The following MYO3A variants were observed in gnomAD, a reference collection of about 807,000 sequenced individuals.
The protein encoded by MYO3A is myosin-IIIa.
A neutral mutation model predicts 192.7 loss-of-function variants in MYO3A; 180 were observed. The observed-to-expected ratio is 0.93, with a 90% CI of 0.83 to 1.06. The LOEUF is 1.06. Among genes scored for constraint, MYO3A ranks in the 50% least tolerant of loss-of-function variants. The pLI is 0.00. For synonymous variants in MYO3A, 628 were observed against 645.3 expected, an observed-to-expected ratio of 0.97 and a Z score of 0.41; for missense variants, 1,896 against 1,905.0, an observed-to-expected ratio of 1.00 and a Z score of 0.09.
rs759428208 is a variant in MYO3A, at chr10:26,157,466, C to T, written c.2950C>T (p.Arg984Ter). The change falls in exon 26 of 35, where the codon CGA becomes TGA. Residue 984 changes from arginine to a stop codon, truncating the protein, a stop_gained. Coordinates refer to ENST00000642920, the MANE Select transcript of MYO3A (RefSeq NM_017433.5). LOFTEE classifies it high-confidence loss of function. ...YTGILETARIRRLGFSHRILF... is the reference protein window; with the variant it reads ...YTGILETARI The stretch of plus-strand genomic sequence containing the variant: ...AGGAATTCTGGAAACAGCAAGAATT[C>T]GAAGACTAGGATTCTCCCATCGGAT... The T allele has an allele frequency of 1.2e-5, 20 of 1,613,914 alleles. No homozygotes were observed. The highest frequency in any genetic ancestry group is 1.5e-5 in the Non-Finnish European group (18 of 1,179,990).
At chr10:26,192,717 G>A (rs920079728) in intron 31 of MYO3A, among the ~76,000 whole-genome samples, 11 of 138,770 alleles carry the variant, frequency 7.9e-5, no homozygotes, top group African/African-American at 1.4e-4. Context: ...GCAATGGCAC[G>A]GTCTTTACTC....
intron 6 of MYO3A, among the ~76,000 whole-genome samples, chr10:26,005,820 A>T (rs1290743105): frequency 6.6e-6 from 1 of 152,170 alleles, no homozygotes; most frequent in Non-Finnish European, 1.5e-5. Flanking sequence ...AAAAGCTGGC[A>T]GAGTTTTCAA....
Position 25,935,363 on chromosome 10 carries a change from A to T in MYO3A, c.-104-381A>T, listed in dbSNP as rs549944739. 5.3e-5 allele frequency among the ~76,000 whole-genome samples: 8 copies of T among 152,326 alleles called. No individual in the cohort carries two copies. In the South Asian group the frequency reaches 1.5e-3, roughly 28 times the overall value. The stretch of plus-strand genomic sequence containing the variant: ...ATTATTGTTAGAATGGAAATTGGCC[A>T]TAAGCCTTGAAATGACTGTTGTAAT... On this transcript the variant is annotated intron_variant, in intron 1 of 34. Transcript: ENST00000642920.
intron 32 of MYO3A, among the ~76,000 whole-genome samples, chr10:26,200,327 A>G (rs554378680): frequency 6.6e-6 from 1 of 152,342 alleles, no homozygotes; most frequent in Admixed American, 6.5e-5. Context: ...GTATTTATAA[A>G]CCATTATTAA....
At position 26,021,646 on chromosome 10, in the gene MYO3A, A is replaced by G; in HGVS notation, c.729A>G (p.Pro243=). The change falls in exon 8 of 35, where the codon CCA becomes CCG. Residue 243 remains proline, a splice_region_variant and synonymous_variant. Transcript: ENST00000642920. The part of the protein sequence containing the change: ...LHPMRALFKI[P]RNPPPKLRQP... ...CCATGAGAGCACTCTTCAAAATACC[A>G]AGGTCAGATGACTAACATTGGGTCC... 6.2e-7 allele frequency: 1 copy of G among 1,614,070 alleles called. No homozygotes were observed. Among genetic ancestry groups the G allele is most frequent in the Non-Finnish European group, 8.5e-7 (1 of 1,179,956 alleles).
At chr10:26,189,801 C>G (rs1352257986) in intron 31 of MYO3A, among the ~76,000 whole-genome samples, 2 of 152,124 alleles carry the variant, frequency 1.3e-5, no homozygotes, top group African/African-American at 4.8e-5. Context: ...TGTGGTGGCT[C>G]ACGCCTGTAA....
intron 4 of MYO3A, among the ~76,000 whole-genome samples, chr10:25,984,504 G>A (rs1000475056): frequency 1.3e-5 from 2 of 152,104 alleles, no homozygotes; most frequent in African/African-American, 4.8e-5. Flanking sequence ...CCAGCCTCCC[G>A]ATACAATAAA....
intron 26 of MYO3A, among the ~76,000 whole-genome samples, chr10:26,165,628 G>A (rs1301717411): frequency 6.6e-6 from 1 of 152,172 alleles, no homozygotes; most frequent in Non-Finnish European, 1.5e-5. Flanking sequence ...AGTTTCACTG[G>A]AATTAAGCTC....
At chr10:26,025,468 A>T (rs1386562220) in intron 9 of MYO3A, among the ~76,000 whole-genome samples, 3 of 152,124 alleles carry the variant, frequency 2.0e-5, no homozygotes, top group African/African-American at 7.2e-5. Context: ...AAACATGTGC[A>T]CTCAGTGGCT....
intron 31 of MYO3A, among the ~76,000 whole-genome samples, chr10:26,184,426 A>G (rs1414154615): frequency 6.6e-6 from 1 of 152,248 alleles, no homozygotes; most frequent in African/African-American, 2.4e-5. Flanking sequence ...AAATTACAGT[A>G]ACAAGTGCAT....
At chr10:25,978,592 A>G (rs1268159856) in intron 4 of MYO3A, among the ~76,000 whole-genome samples, 1 of 152,192 alleles carries the variant, frequency 6.6e-6, no homozygotes, top group Non-Finnish European at 1.5e-5. Context: ...TAGCCAAACC[A>G]TATCAAATGA....
chr10:26,045,576 C>A (rs1344365774), intron 10 of MYO3A, among the ~76,000 whole-genome samples: 3 of 152,108 alleles, frequency 2.0e-5, no homozygotes, highest in Non-Finnish European at 4.4e-5. Flanking sequence ...TTTGGAACAG[C>A]TTCAGAGTGA....
intron 31 of MYO3A, among the ~76,000 whole-genome samples, 153 bp from the exon 32 acceptor site, chr10:26,193,052 G>T (rs1232317239): frequency 6.6e-6 from 1 of 152,132 alleles, no homozygotes; most frequent in Non-Finnish European, 1.5e-5. Context: ...TGAGGAGTAG[G>T]ATAAGGGTTG....
At chr10:26,181,394 T>A (rs945875306) in intron 31 of MYO3A, among the ~76,000 whole-genome samples, 1 of 152,122 alleles carries the variant, frequency 6.6e-6, no homozygotes, top group African/African-American at 2.4e-5. Flanking sequence ...GTTAAAACCT[T>A]CTAGAGATTC....
At chr10:26,043,149 G>GTCTC (rs59621862) in intron 10 of MYO3A, among the ~76,000 whole-genome samples, 6,838 of 143,232 alleles carry the variant, frequency 0.048, 182 homozygotes, top group East Asian at 0.066. Flanking sequence ...GCCAAACAGA[G>GTCTC]TCTCTCTCTC....
At position 26,095,596 on chromosome 10, in the gene MYO3A, A is replaced by G. The variant is rs1414287921; in HGVS notation, c.1563-785A>G. On this transcript the variant is annotated intron_variant, in intron 15 of 34. Coordinates refer to ENST00000642920, the MANE Select transcript of MYO3A (RefSeq NM_017433.5). ...ATTTTTCCCTGGAGCCCACTACAGC[A>G]GAAGGAAGACATGAGGGAAGGAGAG... Among the ~76,000 whole-genome samples, 4 of 152,218 alleles carry G rather than the reference A, an allele frequency of 2.6e-5. No individual in the cohort carries two copies. In the South Asian group the frequency reaches 8.3e-4, roughly 32 times the overall value.
intron 32 of MYO3A, 45 bp downstream of exon 32, chr10:26,193,356 C>G: frequency 7.0e-7 from 1 of 1,436,174 alleles, no homozygotes; most frequent in Non-Finnish European, 9.8e-7. Context: ...ATCACATCTA[C>G]TAATGGCCAG....
At chr10:26,034,573 G>T (rs1842942798) in intron 10 of MYO3A, among the ~76,000 whole-genome samples, 1 of 152,062 alleles carries the variant, frequency 6.6e-6, no homozygotes, top group African/African-American at 2.4e-5. Context: ...ATTTAGATAG[G>T]AATCTATCAT....
intron 14 of MYO3A, among the ~76,000 whole-genome samples, chr10:26,084,718 G>A (rs1564532403): frequency 1.3e-5 from 2 of 152,088 alleles, no homozygotes; most frequent in East Asian, 3.9e-4. Flanking sequence ...TGCCCAGGCT[G>A]GTCTCAAACT....
Sources: allele counts gnomAD v4.1 joint callset (sites outside exome capture counted in the v4.1 genomes callset), GRCh38; gene constraint gnomAD v4.1.1; transcripts MANE v1.5; gene names NCBI Gene and HGNC (gene_info 2026-07-23, HGNC 2026-07-21).